The following CGNL1 variants were observed in gnomAD, a reference collection of about 807,000 sequenced individuals.
The protein encoded by CGNL1 is cingulin-like protein 1.
CGNL1 carries 132 observed loss-of-function variants against 141.2 expected under a neutral mutation model. That is an observed-to-expected ratio of 0.93 (90% CI 0.81 to 1.08). The LOEUF is 1.08. CGNL1 is among the 50% of genes least tolerant of loss of function. The probability of loss-of-function intolerance (pLI) is 0.00; values close to 1 mark genes in which losing one functional copy is unlikely to be tolerated. For missense variants in CGNL1, 1,870 were observed against 1,588.6 expected (o/e 1.18, Z -3.01); for synonymous variants, 690 against 622.1 (o/e 1.11, Z -1.63).
chr15:57,526,032 G>A (rs973030533), intron 12 of CGNL1, among the ~76,000 whole-genome samples: 3 of 152,110 alleles, frequency 2.0e-5, no homozygotes, highest in Admixed American at 6.5e-5. Context: ...TTCCCGTTGC[G>A]TTTTATATAA....
Position 57,523,508 on chromosome 15 carries a change from C to T in CGNL1, c.2735C>T (p.Thr912Ile). ...TTGCAGGGAAATCTGAGTCAGACTA[C>T]CCAGGAGCAGAAGCAGTTGTCTGAG... ...EAAQGNLSQT[T>I]QEQKQLSEKL... is the part of the protein sequence containing the mutation. Residue 912 changes from threonine (T) to isoleucine (I), a missense_variant, in exon 11 of 19, where the codon ACC (threonine) becomes ATC (isoleucine). Coordinates refer to ENST00000281282, the MANE Select transcript of CGNL1 (RefSeq NM_032866.5). 2 of 1,614,114 alleles carry T rather than the reference C, an allele frequency of 1.2e-6. No homozygotes were observed. Among genetic ancestry groups the T allele is most frequent in the South Asian group, 1.1e-5 (1 of 91,054 alleles).
intron 8 of CGNL1, among the ~76,000 whole-genome samples, chr15:57,465,572 G>A (rs1944268600): frequency 6.6e-6 from 1 of 151,504 alleles, no homozygotes; most frequent in African/African-American, 2.4e-5. Flanking sequence ...TGTATTTTTA[G>A]TAGAGACCGG....
At chr15:57,411,127 G>A (rs1334422726) in intron 1 of CGNL1, among the ~76,000 whole-genome samples, 2 of 152,206 alleles carry the variant, frequency 1.3e-5, no homozygotes, top group African/African-American at 4.8e-5. Context: ...TGACTAAAGA[G>A]TGTCATATGT....
At chr15:57,494,348 G>T (rs1027829584) in intron 8 of CGNL1, among the ~76,000 whole-genome samples, 7 of 152,096 alleles carry the variant, frequency 4.6e-5, no homozygotes, top group Admixed American at 6.5e-5. Flanking sequence ...TGGAGTTCTC[G>T]TTCTCTTCTA....
At chr15:57,421,467 C>G (rs1383241946) in intron 1 of CGNL1, among the ~76,000 whole-genome samples, 1 of 152,068 alleles carries the variant, frequency 6.6e-6, no homozygotes, top group African/African-American at 2.4e-5. Context: ...CTTAGGAGAT[C>G]TGTTCAGGTA....
At chr15:57,403,547 G>T (rs1336863701) in intron 1 of CGNL1, among the ~76,000 whole-genome samples, 1 of 152,196 alleles carries the variant, frequency 6.6e-6, no homozygotes, top group Non-Finnish European at 1.5e-5. Context: ...CTGCCCTCCT[G>T]TGTGCCCACT....
chr15:57,430,013 GT>G (rs1840745635), intron 1 of CGNL1, among the ~76,000 whole-genome samples: 1 of 152,170 alleles, frequency 6.6e-6, no homozygotes, highest in African/African-American at 2.4e-5. Context: ...GTCTCCCTGT[GT>G]TGCCCAGGCT....
intron 1 of CGNL1, among the ~76,000 whole-genome samples, chr15:57,391,007 C>T (rs767723541): frequency 2.0e-5 from 3 of 152,146 alleles, no homozygotes; most frequent in Admixed American, 2.0e-4. Context: ...CTGTGTGTAC[C>T]ATGTCCCAAT....
At chr15:57,518,666 A>G (rs1307389261) in intron 10 of CGNL1, among the ~76,000 whole-genome samples, 169 bp downstream of exon 10, 3 of 152,166 alleles carry the variant, frequency 2.0e-5, no homozygotes, top group African/African-American at 7.2e-5. Context: ...GCGATTCTCA[A>G]CTGGGGGGGA....
In CGNL1 at chr15:57,539,898, G is replaced by T. The variant is rs182029272; in HGVS notation, c.3292-3798G>T. Among the ~76,000 whole-genome samples the T allele has an allele frequency of 2.9e-3, 436 of 152,338 alleles. 6 individuals carry two copies. Among genetic ancestry groups the T allele is most frequent in the African/African-American group, 9.5e-3 (396 of 41,580 alleles). On this transcript the variant is annotated intron_variant, in intron 14 of 18. Transcript: ENST00000281282. The stretch of plus-strand genomic sequence containing the variant: ...CATCACCAGGAGGAATCTAAGCACA[G>T]ATGGGGATGTTAACACTGCCTACCT...
chr15:57,531,899 TG>T, intron 14 of CGNL1, 120 bp downstream of exon 14: 1 of 658,362 alleles, frequency 1.5e-6, no homozygotes, highest in Middle Eastern at 3.0e-4. Flanking sequence ...TAGAAATTGA[TG>T]GAAGATTGAA....
intron 8 of CGNL1, among the ~76,000 whole-genome samples, chr15:57,472,616 C>A (rs567071351): frequency 6.6e-6 from 1 of 152,134 alleles, no homozygotes; most frequent in Non-Finnish European, 1.5e-5. Flanking sequence ...CAATTTCATT[C>A]TATTTTTAAA....
intron 3 of CGNL1, 131 bp downstream of exon 3, chr15:57,440,602 T>TG: frequency 1.5e-6 from 1 of 687,812 alleles, no homozygotes; most frequent in South Asian, 1.8e-5. Flanking sequence ...TAAAACTCAA[T>TG]GGCTGGGGTT....
chr15:57,472,834 T>C (rs1199113906), intron 8 of CGNL1, among the ~76,000 whole-genome samples: 1 of 152,140 alleles, frequency 6.6e-6, no homozygotes, highest in African/African-American at 2.4e-5. Context: ...CGGAGAAGGT[T>C]TGTAGGAGGA....
At chr15:57,389,751 A>G (rs961994660) in intron 1 of CGNL1, among the ~76,000 whole-genome samples, 5 of 152,160 alleles carry the variant, frequency 3.3e-5, no homozygotes, top group Non-Finnish European at 4.4e-5. Context: ...TGCTCTTACA[A>G]TGGTTGTATT....
chr15:57,526,479 T>G (rs1555448598), intron 12 of CGNL1, among the ~76,000 whole-genome samples: 2 of 150,946 alleles, frequency 1.3e-5, no homozygotes, highest in Non-Finnish European at 3.0e-5. Context: ...AGATCTTGGT[T>G]AAAAAAAAAC....
chr15:57,397,130 G>A (rs2062611504), intron 1 of CGNL1: 1 of 152,222 alleles, frequency 6.6e-6, no homozygotes, highest in African/African-American at 2.4e-5. Context: ...TGAGGCTGGG[G>A]GGGATGAAAA....
At chr15:57,500,391 A>C (rs2064006446) in intron 8 of CGNL1, among the ~76,000 whole-genome samples, 2 of 152,324 alleles carry the variant, frequency 1.3e-5, no homozygotes, top group South Asian at 4.1e-4. Context: ...TTAAGTTGGC[A>C]TCAAGGCCAT....
intron 10 of CGNL1, among the ~76,000 whole-genome samples, chr15:57,521,900 A>G (rs796943889): frequency 2.7e-4 from 41 of 152,178 alleles, no homozygotes; most frequent in African/African-American, 9.4e-4. Context: ...ACAGGAAGCC[A>G]TTGGGGGCCC....
Sources: gnomAD v4.1 joint callset for allele counts (sites outside exome capture counted in the v4.1 genomes callset) on GRCh38, gnomAD v4.1.1 for gene constraint, MANE v1.5 for transcripts, NCBI Gene and HGNC (gene_info 2026-07-23, HGNC 2026-07-21) for gene names.